Variants in CREB3L2 observed in about 807,000 individuals in gnomAD.
CREB3L2 encodes the protein cAMP responsive element binding protein 3 like 2.
CREB3L2 carries 23 observed loss-of-function variants against 57.2 expected under a neutral mutation model. The observed-to-expected ratio is 0.40, with a 90% CI of 0.29 to 0.57. The LOEUF (loss-of-function observed/expected upper bound fraction) is 0.57. Among genes scored for constraint, CREB3L2 ranks in the 20% least tolerant of loss-of-function variants. CREB3L2 has a pLI of 0.42. For missense variants in CREB3L2, 628 were observed against 634.7 expected (o/e 0.99, Z 0.11); for synonymous variants, 268 against 265.1 (o/e 1.01, Z -0.11).
At chr7:137,949,146 T>G (rs2117268809) in intron 1 of CREB3L2, among the ~76,000 whole-genome samples, 2 of 152,348 alleles carry the variant, frequency 1.3e-5, no homozygotes, top group African/African-American at 4.8e-5. Context: ...CATTTTCTCT[T>G]AGGCAAATGC....
Position 137,877,521 on chromosome 7 carries a change from G to A in CREB3L2, c.*2955C>T, listed in dbSNP as rs968562266. Reference sequence around the variant, plus strand: ...CGAGGGCTGTGAAAAGAACCACGGTGGGGGGTCTGGGTTACTCAGGTCTTA... The same window carrying A: ...CGAGGGCTGTGAAAAGAACCACGGTAGGGGGTCTGGGTTACTCAGGTCTTA... On this transcript the variant is annotated 3_prime_UTR_variant, in exon 12 of 12. Coordinates refer to ENST00000330387, the MANE Select transcript of CREB3L2 (RefSeq NM_194071.4). 1 of 226,014 alleles carries A rather than the reference G, an allele frequency of 4.4e-6. No homozygotes were observed. The highest frequency in any genetic ancestry group is 8.8e-6 in the Non-Finnish European group (1 of 113,680). 14.0% of individuals were successfully genotyped at this position (226,014 alleles called of 1,614,324 possible).
chr7:137,990,177 C>G (rs1801867469), intron 1 of CREB3L2, among the ~76,000 whole-genome samples: 1 of 152,184 alleles, frequency 6.6e-6, no homozygotes, highest in African/African-American at 2.4e-5. Context: ...CATAGAGCAC[C>G]CTACTCTCAA....
chr7:137,975,352 C>G (rs2117306767), intron 1 of CREB3L2, among the ~76,000 whole-genome samples: 1 of 152,268 alleles, frequency 6.6e-6, no homozygotes, highest in East Asian at 1.9e-4. Flanking sequence ...TTTCTTCTTG[C>G]AGAACCCACA....
At position 138,001,779 on chromosome 7, in the gene CREB3L2, G is replaced by C; in HGVS notation, c.-74C>G. On this transcript the variant is annotated 5_prime_UTR_variant, in exon 1 of 12. Transcript: ENST00000330387. The surrounding 1 kb of genome is among the most constrained non-coding windows in gnomAD (Gnocchi z 4.2). ...GCGCAGAGCTGCCTCGGACCGGCAA[G>C]GTTCCTCTCTCTCCGCGTGTGCTTG... 4 of 1,109,244 alleles carry C rather than the reference G, an allele frequency of 3.6e-6. No homozygotes were observed. The highest frequency in any genetic ancestry group is 5.0e-6 in the Non-Finnish European group (4 of 802,868). 68.7% of individuals were successfully genotyped at this position (1,109,244 alleles called of 1,614,324 possible).
chr7:137,903,262 T>C (rs1311523864), intron 7 of CREB3L2, among the ~76,000 whole-genome samples: 2 of 152,190 alleles, frequency 1.3e-5, no homozygotes, highest in Non-Finnish European at 2.9e-5. Flanking sequence ...AATAGTAGCT[T>C]TGAGAAACAG....
intron 1 of CREB3L2, among the ~76,000 whole-genome samples, chr7:137,947,326 C>G (rs1801015965): frequency 6.6e-6 from 1 of 152,052 alleles, no homozygotes; most frequent in African/African-American, 2.4e-5. Context: ...ACTAATATAC[C>G]CACTAACTGG....
Position 137,876,097 on chromosome 7 carries a change from TCCTAATGGACGTAAC to T in CREB3L2, c.*4364_*4378del. Reference sequence around the variant, plus strand: ...ATTGCACTCCTGCAAACTGGGATTTTCCTAATGGACGTAACCCTATTTCTTTTCTCCTGATGTGCA... The same window carrying T: ...ATTGCACTCCTGCAAACTGGGATTTTCCTATTTCTTTTCTCCTGATGTGCA... On this transcript the variant is annotated 3_prime_UTR_variant, in exon 12 of 12. Transcript: ENST00000330387. 4.3e-6 allele frequency: 1 copy of T among 232,216 alleles called. No homozygotes were observed. The highest frequency in any genetic ancestry group is 6.1e-5 in the East Asian group (1 of 16,414). The allele number at this position is 232,216 out of a possible 1,614,324, so 14.4% of individuals were successfully genotyped here. A position where few individuals can be genotyped will look rare whatever the true frequency, so the allele number is the denominator to read the frequency against.
At chr7:137,972,881 G>A (rs902239470) in intron 1 of CREB3L2, among the ~76,000 whole-genome samples, 2 of 151,188 alleles carry the variant, frequency 1.3e-5, no homozygotes, top group Admixed American at 1.3e-4. Context: ...TAAATACACT[G>A]TGGATCAACC....
In CREB3L2 at chr7:137,904,096, T is replaced by G. The variant is rs1034923706; in HGVS notation, c.916-79A>C. Reference sequence around the variant, plus strand: ...CAGTTAAGATGGGAGGTGGTTAGCGTAGAAGTCACCAAAGCCCTGCTTACT... The same window carrying G: ...CAGTTAAGATGGGAGGTGGTTAGCGGAGAAGTCACCAAAGCCCTGCTTACT... On this transcript the variant is annotated intron_variant, in intron 6 of 11. Transcript: ENST00000330387. 13 of 1,197,552 alleles carry G rather than the reference T, an allele frequency of 1.1e-5. No individual in the cohort carries two copies. In the East Asian group the frequency reaches 2.8e-4, roughly 26 times the overall value. 74.2% of individuals were successfully genotyped at this position (1,197,552 alleles called of 1,614,324 possible).
chr7:137,985,674 C>T (rs1469247704), intron 1 of CREB3L2, among the ~76,000 whole-genome samples: 1 of 152,166 alleles, frequency 6.6e-6, no homozygotes, highest in African/African-American at 2.4e-5. Context: ...GGACATGGAA[C>T]AAGCCGTCCC....
At chr7:137,965,326 C>G (rs1248406273) in intron 1 of CREB3L2, among the ~76,000 whole-genome samples, 1 of 152,130 alleles carries the variant, frequency 6.6e-6, no homozygotes, top group African/African-American at 2.4e-5. Flanking sequence ...CACATGCGCA[C>G]AAATATATTT....
In CREB3L2 at chr7:137,908,268, A is replaced by C; in HGVS notation, c.752T>G (p.Leu251Arg). The C allele has an allele frequency of 7.9e-7, 1 of 1,258,928 alleles. No individual in the cohort carries two copies. Among genetic ancestry groups the C allele is most frequent in the Non-Finnish European group, 1.0e-6 (1 of 993,072 alleles). 78.0% of individuals were successfully genotyped at this position (1,258,928 alleles called of 1,614,324 possible). The change falls in exon 5 of 12, where the codon CTC becomes CGC. Residue 251 changes from leucine to arginine, a missense_variant. Coordinates refer to ENST00000330387, the MANE Select transcript of CREB3L2 (RefSeq NM_194071.4). ...CATACTTACATGAGGAGCCGTGAGG[A>C]GAGGGGAGCTGGAGAGGGCGGAGGG... ...RAPSALSSSP[L>R]LTAPHKLQGS...
rs534241828 is a variant in CREB3L2, at chr7:137,973,698, CAT to C, written c.102+27904_102+27905del. ...GCCAAGAGGGACCCTACTAGTCAGC[CAT>C]AGTTTTACAACTCAGTCTTCAAATC... On this transcript the variant is annotated intron_variant, in intron 1 of 11. Coordinates refer to ENST00000330387, the MANE Select transcript of CREB3L2 (RefSeq NM_194071.4). Among the ~76,000 whole-genome samples, 73 of 150,750 alleles carry C rather than the reference CAT, an allele frequency of 4.8e-4. 1 individual carries two copies. The highest frequency in any genetic ancestry group is 3.5e-3 in the Middle Eastern group (1 of 288).
intron 1 of CREB3L2, among the ~76,000 whole-genome samples, chr7:137,930,738 G>T (rs1221483828): frequency 1.3e-5 from 2 of 152,104 alleles, no homozygotes; most frequent in African/African-American, 2.4e-5. Flanking sequence ...CAAGAGACAG[G>T]GTCAGGGAGA....
chr7:137,897,081 T>A (rs1321975131), intron 8 of CREB3L2, among the ~76,000 whole-genome samples: 1 of 152,152 alleles, frequency 6.6e-6, no homozygotes, highest in Non-Finnish European at 1.5e-5. Flanking sequence ...AGAAGTGTGC[T>A]AAGCATTGGC....
At chr7:137,924,001 C>G (rs558834981) in intron 2 of CREB3L2, among the ~76,000 whole-genome samples, 1 of 152,316 alleles carries the variant, frequency 6.6e-6, no homozygotes, top group South Asian at 2.1e-4. Flanking sequence ...TTTGCTCCAG[C>G]AATATCCGCT....
rs1279071239 is a variant in CREB3L2 at position 137,880,017 on chromosome 7, A to G, written c.*459T>C. On this transcript the variant is annotated 3_prime_UTR_variant, in exon 12 of 12. Coordinates refer to ENST00000330387, the MANE Select transcript of CREB3L2 (RefSeq NM_194071.4). This position sits in a 1 kb window ranked among gnomAD's most constrained non-coding sequence, Gnocchi z 4.0. ...CGGGGGTGTTCACACCAGAGACCCC[A>G]GTGCGAGCAACGGAGGACACGGGTC... 3 of 251,788 alleles carry G rather than the reference A, an allele frequency of 1.2e-5. No homozygotes were observed. The highest frequency in any genetic ancestry group is 2.2e-5 in the African/African-American group (1 of 45,666). The allele number at this position is 251,788 out of a possible 1,614,324, so 15.6% of individuals were successfully genotyped here.
chr7:137,957,912 T>C, intron 1 of CREB3L2: 1 of 515,902 alleles, frequency 1.9e-6, no homozygotes, highest in Non-Finnish European at 3.3e-6. Flanking sequence ...CCCAAGGGAA[T>C]AATGGCTACA....
intron 8 of CREB3L2, 148 bp downstream of exon 8, chr7:137,901,206 G>A: frequency 3.3e-6 from 2 of 612,848 alleles, no homozygotes; most frequent in Non-Finnish European, 5.9e-6. Context: ...TGGGTGGGTG[G>A]AGTTTGGCCA....
Sources: gnomAD v4.1 joint callset for allele counts (sites outside exome capture counted in the v4.1 genomes callset) on GRCh38, gnomAD v4.1.1 for gene constraint, Gnocchi (gnomAD v3.1) non-coding constraint, MANE v1.5 for transcripts, NCBI Gene and HGNC (gene_info 2026-07-23, HGNC 2026-07-21) for gene names.